Variants in ANO4 observed in about 807,000 individuals in gnomAD.
The protein encoded by ANO4 is anoctamin 4.
ANO4 carries 69 observed loss-of-function variants against 141.9 expected under a neutral mutation model. That is an observed-to-expected ratio of 0.49 (90% CI 0.40 to 0.59). The LOEUF is 0.59. ANO4 is among the 20% of genes least tolerant of loss of function. The pLI is 0.00. For synonymous variants in ANO4, 350 were observed against 394.3 expected (o/e 0.89, Z 1.33); for missense variants, 894 against 1,162.2 (o/e 0.77, Z 3.36).
chr12:100,912,407 A>AGCTG, intron 2 of ANO4, among the ~76,000 whole-genome samples: 1 of 87,452 alleles, frequency 1.1e-5, no homozygotes, highest in Non-Finnish European at 2.5e-5. Flanking sequence ...AAAAAAAAAA[A>AGCTG]AAGAAAAAAG....
chr12:100,994,305 A>C (rs1381326638), intron 8 of ANO4, among the ~76,000 whole-genome samples: 3 of 152,234 alleles, frequency 2.0e-5, no homozygotes, highest in African/African-American at 4.8e-5. Flanking sequence ...GAATTAATTT[A>C]TCTCTCTTCA....
In ANO4 at chr12:101,042,388, C is replaced by T. The variant is rs377315098; in HGVS notation, c.1074C>T (p.Thr358=). The change falls in exon 12 of 28, where the codon ACC becomes ACT. Residue 358 remains threonine, a synonymous_variant. Transcript: ENST00000392977. ...GLYFAWLGWY[T]GMLFPAAFIG... is the part of the protein sequence containing the mutation. ...ATTTTGCCTGGTTGGGCTGGTACAC[C>T]GGCATGCTCTTCCCAGCTGCCTTCA... The T allele has an allele frequency of 6.2e-6, 10 of 1,614,080 alleles. No individual in the cohort carries two copies. The highest frequency in any genetic ancestry group is 2.2e-5 in the East Asian group (1 of 44,880).
chr12:100,779,758 A>T (rs1477790043), intron 3 of ANO4, among the ~76,000 whole-genome samples: 5 of 152,010 alleles, frequency 3.3e-5, no homozygotes, highest in African/African-American at 4.8e-5. Context: ...CTGTTCTGTC[A>T]TCTCCACCAT....
chr12:100,734,626 A>G (rs1391814805), intron 2 of ANO4, among the ~76,000 whole-genome samples: 3 of 152,214 alleles, frequency 2.0e-5, no homozygotes, highest in Admixed American at 2.0e-4. Context: ...AGATGAGGAA[A>G]CTTGCGCTTT....
intron 3 of ANO4, among the ~76,000 whole-genome samples, chr12:100,930,521 G>C (rs947886851): frequency 6.6e-6 from 1 of 152,090 alleles, no homozygotes; most frequent in Non-Finnish European, 1.5e-5. Context: ...TGGGTTCTCT[G>C]TTCTGTTCCA....
At chr12:100,827,329 A>G (rs2036404269) in intron 1 of ANO4, among the ~76,000 whole-genome samples, 1 of 151,990 alleles carries the variant, frequency 6.6e-6, no homozygotes. Flanking sequence ...ATGCATAGCT[A>G]ATGTCCTTAC....
chr12:100,837,566 A>G (rs1593472925), intron 1 of ANO4, among the ~76,000 whole-genome samples: 1 of 152,160 alleles, frequency 6.6e-6, no homozygotes, highest in East Asian at 1.9e-4. Context: ...GCTTGAGCCC[A>G]GGAATTTGAG....
chr12:101,020,302 G>A (rs979385943), intron 9 of ANO4, among the ~76,000 whole-genome samples, 162 bp downstream of exon 9: 15 of 152,158 alleles, frequency 9.9e-5, no homozygotes, highest in African/African-American at 2.2e-4. Context: ...AATCTTCGTC[G>A]CATCCTTAAA....
chr12:101,117,659 A>G (rs1012750457), intron 25 of ANO4, among the ~76,000 whole-genome samples: 3 of 152,232 alleles, frequency 2.0e-5, no homozygotes, highest in African/African-American at 4.8e-5. Context: ...GCAGTGAGCT[A>G]TGATAGCACC....
intron 3 of ANO4, among the ~76,000 whole-genome samples, chr12:100,773,776 A>G (rs1454794216): frequency 2.6e-5 from 4 of 152,242 alleles, no homozygotes; most frequent in Non-Finnish European, 4.4e-5. Context: ...AATGTACACT[A>G]TAATGAATGA....
chr12:100,854,956 A>C (rs2038087154), intron 1 of ANO4, among the ~76,000 whole-genome samples: 1 of 152,010 alleles, frequency 6.6e-6, no homozygotes, highest in Non-Finnish European at 1.5e-5. Context: ...TCGTGTAGGG[A>C]GACTGAATGC....
At chr12:101,064,658 AG>A (rs2048495291) in intron 14 of ANO4, among the ~76,000 whole-genome samples, 2 of 74,424 alleles carry the variant, frequency 2.7e-5, no homozygotes, top group Non-Finnish European at 5.3e-5. Flanking sequence ...CAGAACTTAA[AG>A]TATTATAATA....
At chr12:100,761,124 G>A (rs529791366) in intron 3 of ANO4, among the ~76,000 whole-genome samples, 23 of 151,738 alleles carry the variant, frequency 1.5e-4, no homozygotes, top group African/African-American at 2.7e-4. Flanking sequence ...TTTTTCTTTT[G>A]TTCCAACTCC....
At chr12:100,890,071 TTAATTA>T (rs1330312303) in intron 1 of ANO4, among the ~76,000 whole-genome samples, 3 of 151,672 alleles carry the variant, frequency 2.0e-5, no homozygotes, top group Admixed American at 2.0e-4. Flanking sequence ...TATGTCAGTA[TTAATTA>T]TAATTATGAT....
chr12:100,923,477 T>C (rs2041729877), intron 3 of ANO4, among the ~76,000 whole-genome samples: 1 of 152,208 alleles, frequency 6.6e-6, no homozygotes, highest in Non-Finnish European at 1.5e-5. Context: ...CATCCTTTTT[T>C]ATGGCTGCAT....
At chr12:100,795,352 A>G (rs1235189670) in intron 1 of ANO4, among the ~76,000 whole-genome samples, 1 of 152,188 alleles carries the variant, frequency 6.6e-6, no homozygotes, top group Admixed American at 6.5e-5. Flanking sequence ...ATGACTGACA[A>G]ATTTGGGCAG....
intron 3 of ANO4, among the ~76,000 whole-genome samples, chr12:100,789,006 G>A (rs2033959538): frequency 6.6e-6 from 1 of 152,110 alleles, no homozygotes; most frequent in African/African-American, 2.4e-5. Flanking sequence ...GGATGGGAAT[G>A]ATCTTGGTGA....
At chr12:101,037,650 A>G (rs747718007) in intron 10 of ANO4, among the ~76,000 whole-genome samples, 5 of 152,246 alleles carry the variant, frequency 3.3e-5, no homozygotes, top group Non-Finnish European at 5.9e-5. Context: ...TATTTCCTAC[A>G]TAGTCTCCAT....
At chr12:101,060,752 A>G (rs1261636259) in intron 14 of ANO4, among the ~76,000 whole-genome samples, 1 of 150,706 alleles carries the variant, frequency 6.6e-6, no homozygotes, top group Non-Finnish European at 1.5e-5. Context: ...CCATCCCTTT[A>G]TTTTGAGCGC....
Sources: allele counts gnomAD v4.1 joint callset (sites outside exome capture counted in the v4.1 genomes callset), GRCh38; gene constraint gnomAD v4.1.1; transcripts MANE v1.5; gene names NCBI Gene and HGNC (gene_info 2026-07-23, HGNC 2026-07-21).